PTPRK: variants seen among roughly 807,000 people sequenced by gnomAD.
PTPRK encodes protein tyrosine phosphatase receptor type K.
PTPRK carries 75 observed loss-of-function variants against 178.0 expected under a neutral mutation model. The ratio of observed to expected loss-of-function variants is 0.42; its 90% CI spans 0.35 to 0.51. The LOEUF is 0.51. PTPRK is among the 20% of genes least tolerant of loss of function. The pLI is 0.02. For missense variants in PTPRK, 1,441 were observed against 1,797.8 expected (o/e 0.80, Z 3.59); for synonymous variants, 637 against 620.6 (o/e 1.03, Z -0.39).
chr6:128,477,972 G>A (rs1294724527), intron 1 of PTPRK, among the ~76,000 whole-genome samples: 1 of 152,026 alleles, frequency 6.6e-6, no homozygotes, highest in Admixed American at 6.6e-5. Flanking sequence ...CCTAGGATAG[G>A]AACTGCACAA....
intron 3 of PTPRK, among the ~76,000 whole-genome samples, chr6:128,298,132 A>G (rs1255487091): frequency 6.6e-6 from 1 of 152,232 alleles, no homozygotes; most frequent in Non-Finnish European, 1.5e-5. Flanking sequence ...AAAATCTAGA[A>G]GAAACGTATA....
At chr6:128,426,640 T>G (rs1844175550) in intron 1 of PTPRK, among the ~76,000 whole-genome samples, 1 of 152,244 alleles carries the variant, frequency 6.6e-6, no homozygotes, top group South Asian at 2.1e-4. Context: ...TGTAACATTT[T>G]CAAAGAAAAA....
At chr6:128,088,849 C>T (rs1156750412) in intron 8 of PTPRK, among the ~76,000 whole-genome samples, 2 of 152,138 alleles carry the variant, frequency 1.3e-5, no homozygotes, top group African/African-American at 4.8e-5. Context: ...TTGCTAATGT[C>T]TAATAAAGGC....
At chr6:128,380,720 G>C (rs995311791) in intron 2 of PTPRK, among the ~76,000 whole-genome samples, 1 of 152,112 alleles carries the variant, frequency 6.6e-6, no homozygotes, top group African/African-American at 2.4e-5. Context: ...ACAAAGAGCA[G>C]AGAGAATTTA....
Position 127,992,838 on chromosome 6 carries a change from GAA to G in PTPRK, c.2845-131_2845-130del, listed in dbSNP as rs1776756560. The G allele has an allele frequency of 2.3e-5, 15 of 655,718 alleles. No individual in the cohort carries two copies. In the South Asian group the frequency reaches 3.1e-4, roughly 14 times the overall value. 40.6% of individuals were successfully genotyped at this position (655,718 alleles called of 1,614,324 possible). A position where few individuals can be genotyped will look rare whatever the true frequency, so the allele number is the denominator to read the frequency against. On this transcript the variant is annotated intron_variant, in intron 18 of 29. Transcript: ENST00000368226. ...AATAAAAAGTCCAGAAATGAGTAGTGAACACATAGTTCACTTCTCAAACCTAT... is the reference window on the plus strand; with the variant it reads ...AATAAAAAGTCCAGAAATGAGTAGTGCACATAGTTCACTTCTCAAACCTAT...
chr6:127,970,695 C>T (rs1773806687), intron 29 of PTPRK, among the ~76,000 whole-genome samples: 1 of 151,976 alleles, frequency 6.6e-6, no homozygotes. Flanking sequence ...TAGTTTGCCT[C>T]AGTTCTTTTT....
chr6:128,349,192 C>G (rs75209500), intron 2 of PTPRK, among the ~76,000 whole-genome samples: 2,035 of 152,188 alleles, frequency 0.013, 46 homozygotes, highest in African/African-American at 0.045. Flanking sequence ...GGAAAATAAA[C>G]TATAGCAAAC....
intron 3 of PTPRK, among the ~76,000 whole-genome samples, chr6:128,244,088 G>A (rs186403936): frequency 3.3e-5 from 5 of 152,292 alleles, no homozygotes; most frequent in African/African-American, 9.6e-5. Flanking sequence ...AGACTACTAG[G>A]TGAATGATGC....
intron 6 of PTPRK, among the ~76,000 whole-genome samples, chr6:128,191,792 A>G (rs1803846184): frequency 1.3e-5 from 2 of 152,204 alleles, no homozygotes; most frequent in South Asian, 4.1e-4. Flanking sequence ...GTAGAAAATA[A>G]TTTTAACAAT....
chr6:128,008,554 T>C (rs550999279), intron 14 of PTPRK, among the ~76,000 whole-genome samples: 2 of 151,222 alleles, frequency 1.3e-5, no homozygotes, highest in African/African-American at 4.8e-5. Flanking sequence ...CCAGTAGGTC[T>C]CAGTATCTTC....
chr6:128,059,142 T>C (rs1390952310), intron 13 of PTPRK, among the ~76,000 whole-genome samples: 1 of 152,152 alleles, frequency 6.6e-6, no homozygotes, highest in East Asian at 1.9e-4. Flanking sequence ...TTCTTTTGCA[T>C]TTCCATTTTG....
At chr6:128,477,069 G>A (rs1273608567) in intron 1 of PTPRK, among the ~76,000 whole-genome samples, 2 of 151,920 alleles carry the variant, frequency 1.3e-5, no homozygotes, top group East Asian at 1.9e-4. Flanking sequence ...AGCCAAGAAG[G>A]ATAAAAATGT....
chr6:128,363,252 G>A (rs1835018784), intron 2 of PTPRK, among the ~76,000 whole-genome samples: 1 of 152,038 alleles, frequency 6.6e-6, no homozygotes, highest in South Asian at 2.1e-4. Flanking sequence ...TAAGGCTTCG[G>A]AACACCCATG....
chr6:127,981,822 A>C (rs1775371176), intron 24 of PTPRK, among the ~76,000 whole-genome samples: 1 of 152,070 alleles, frequency 6.6e-6, no homozygotes, highest in African/African-American at 2.4e-5. Flanking sequence ...TTCATTTATT[A>C]TTATTATTAC....
At chr6:128,427,311 C>T (rs558346245) in intron 1 of PTPRK, among the ~76,000 whole-genome samples, 1 of 152,206 alleles carries the variant, frequency 6.6e-6, no homozygotes, top group South Asian at 2.1e-4. Flanking sequence ...ATGACAGTTC[C>T]AAGATTTCAA....
At chr6:128,455,369 G>C (rs1848268229) in intron 1 of PTPRK, among the ~76,000 whole-genome samples, 1 of 152,048 alleles carries the variant, frequency 6.6e-6, no homozygotes, top group Non-Finnish European at 1.5e-5. Flanking sequence ...CTGCTTTCCT[G>C]ACCTTGAAAG....
chr6:128,250,233 C>T (rs925857254), intron 3 of PTPRK, among the ~76,000 whole-genome samples: 6 of 152,114 alleles, frequency 3.9e-5, no homozygotes, highest in African/African-American at 1.4e-4. Flanking sequence ...AATACACCAC[C>T]CATTGACCTA....
At chr6:128,346,595 A>G (rs1195673033) in intron 2 of PTPRK, among the ~76,000 whole-genome samples, 2 of 152,202 alleles carry the variant, frequency 1.3e-5, no homozygotes, top group Non-Finnish European at 2.9e-5. Context: ...GTAAACAGAC[A>G]GATCTTAAAG....
intron 5 of PTPRK, among the ~76,000 whole-genome samples, chr6:128,222,261 G>A (rs1409551103): frequency 6.6e-6 from 1 of 151,970 alleles, no homozygotes; most frequent in South Asian, 2.1e-4. Flanking sequence ...CACCTTTATT[G>A]GCATTCCTCT....
Sources: allele counts gnomAD v4.1 joint callset (sites outside exome capture counted in the v4.1 genomes callset), GRCh38; gene constraint gnomAD v4.1.1; transcripts MANE v1.5; gene names NCBI Gene and HGNC (gene_info 2026-07-23, HGNC 2026-07-21).